FREM1: variants seen among roughly 807,000 people sequenced by gnomAD.
The protein encoded by FREM1 is FRAS1-related extracellular matrix protein 1.
Under a neutral mutation model 210.1 loss-of-function variants are expected in FREM1, and 220 were observed. The observed-to-expected ratio is 1.05, with a 90% CI of 0.94 to 1.17. The LOEUF (loss-of-function observed/expected upper bound fraction) is 1.17. FREM1 is among the 50% of genes most tolerant of loss of function. FREM1 has a pLI of 0.00. For synonymous variants in FREM1, 1,189 were observed against 980.2 expected (o/e 1.21, Z -3.98); for missense variants, 3,454 against 2,675.5 (o/e 1.29, Z -6.42).
intron 5 of FREM1, among the ~76,000 whole-genome samples, chr9:14,852,772 T>C (rs1237208504): frequency 1.3e-5 from 2 of 152,230 alleles, no homozygotes; most frequent in Non-Finnish European, 1.5e-5. Flanking sequence ...AGAACCAGGC[T>C]CAGTTACCAA....
Position 14,848,742 on chromosome 9 carries a change from T to G in FREM1, c.1184A>C (p.Glu395Ala), listed in dbSNP as rs150070740. 305 of 1,612,748 alleles carry G rather than the reference T, an allele frequency of 1.9e-4. 7 individuals are homozygous for G. In the African/African-American group the frequency reaches 3.5e-3, roughly 19 times the overall value. ...VELEVYDFFFERSAPMTVHIS... is the reference protein window; with the variant it reads ...VELEVYDFFFARSAPMTVHIS... ...GTGGACTGTCATAGGTGCACTCCTT[T>G]CAAAGAAGAAGTCGTATACCTCCAA... The change falls in exon 7 of 37, where the codon GAA becomes GCA. Residue 395 changes from glutamate to alanine, a missense_variant. Physicochemically the swap from Glu to Ala is moderately radical, Grantham distance 107. Coordinates refer to ENST00000380880, the MANE Select transcript of FREM1 (RefSeq NM_001379081.2).
chr9:14,879,153 G>T (rs1363083199), intron 1 of FREM1, among the ~76,000 whole-genome samples: 1 of 113,104 alleles, frequency 8.8e-6, no homozygotes, highest in Non-Finnish European at 1.6e-5. Context: ...GCAAGATTCC[G>T]TCTCAAAAAA....
At chr9:14,842,177 A>C (rs868141120) in intron 9 of FREM1, 139 bp downstream of exon 9, 1 of 593,758 alleles carries the variant, frequency 1.7e-6, no homozygotes, top group Non-Finnish European at 3.0e-6. Context: ...GGGAATAAAA[A>C]TACTATCTTA....
chr9:14,747,285 A>G lies in FREM1; in HGVS notation c.5988T>C (p.Thr1996=), dbSNP rs745524714. The G allele has an allele frequency of 1.4e-5, 22 of 1,612,818 alleles. No individual in the cohort carries two copies. Among genetic ancestry groups the G allele is most frequent in the Admixed American group, 3.3e-5 (2 of 59,798 alleles). Residue 1996 remains threonine, a synonymous_variant, in exon 33 of 37, where the codon ACT becomes ACC. Transcript: ENST00000380880. The part of the protein sequence containing the change: ...LPQADKVEST[T]DSHFPRQDQL... ...ATACCTGTCTGGGGAAGTGTGAGTCAGTTGTGGATTCCACCTTATCTGCTT... is the reference window on the plus strand; with the variant it reads ...ATACCTGTCTGGGGAAGTGTGAGTCGGTTGTGGATTCCACCTTATCTGCTT...
rs183882265 is a variant in FREM1, at chr9:14,747,331, A to T, written c.5942T>A (p.Ile1981Asn). The T allele has an allele frequency of 2.1e-5, 34 of 1,613,506 alleles. No homozygotes were observed. In the East Asian group the frequency reaches 7.6e-4, roughly 36 times the overall value. The change falls in exon 33 of 37, where the codon ATC (isoleucine) becomes AAC (asparagine). Residue 1981 changes from isoleucine (I) to asparagine (N), a missense_variant. Ile to Asn is a moderately radical substitution (Grantham distance 149). Transcript: ENST00000380880. ...VSIISQPQKT[I>N]KVAELPQADK... ...TGCTTGAGGCAGTTCTGCCACTTTG[A>T]TTGTCTTTTGTGGCTGACTAATGAT...
chr9:14,809,404 C>G (rs192466691), intron 16 of FREM1, among the ~76,000 whole-genome samples: 149 of 152,290 alleles, frequency 9.8e-4, no homozygotes, highest in African/African-American at 2.6e-3. Context: ...GACATCCTCC[C>G]TTTTCAGCAG....
In FREM1 at chr9:14,808,327, C is replaced by T. The variant is rs10810251; in HGVS notation, c.2894-193G>A. On this transcript the variant is annotated intron_variant, in intron 16 of 36. Transcript: ENST00000380880. ...TGAAAATAATGCAAAAATTCTTGCC[C>T]ATCTGTTGCCTCTGGTGAACTCCCT... Among the ~76,000 whole-genome samples the T allele has an allele frequency of 0.22, 33,500 of 152,036 alleles. 4,274 individuals are homozygous for T. The highest frequency in any genetic ancestry group is 0.29 in the Non-Finnish European group (19,907 of 67,960).
At chr9:14,860,584 C>CATATATATATACACATATATATATACAT (rs1216650409) in intron 3 of FREM1, among the ~76,000 whole-genome samples, 1 of 115,702 alleles carries the variant, frequency 8.6e-6, no homozygotes, top group Non-Finnish European at 1.6e-5. Flanking sequence ...TATATATACA[C>CATATATATATACACATATATATATACAT]ATATATATAC....
chr9:14,877,618 G>A (rs545354382), intron 1 of FREM1, among the ~76,000 whole-genome samples: 10 of 152,022 alleles, frequency 6.6e-5, no homozygotes, highest in African/African-American at 2.2e-4. Context: ...AGACTCTCTC[G>A]GCAGACTGGA....
At chr9:14,823,604 C>G (rs539540940) in intron 12 of FREM1, among the ~76,000 whole-genome samples, 2 of 150,930 alleles carry the variant, frequency 1.3e-5, no homozygotes, top group Admixed American at 1.3e-4. Flanking sequence ...GCCTCCAGGA[C>G]TATGAGAAAA....
chr9:14,761,235 C>T (rs1024048675), intron 27 of FREM1, among the ~76,000 whole-genome samples: 1 of 152,106 alleles, frequency 6.6e-6, no homozygotes, highest in Non-Finnish European at 1.5e-5. Flanking sequence ...TAATCACGTT[C>T]TATGGATTAA....
intron 28 of FREM1, among the ~76,000 whole-genome samples, chr9:14,759,318 T>C (rs1845008454): frequency 6.6e-6 from 1 of 152,066 alleles, no homozygotes. Context: ...GAGACCAGCC[T>C]GGCCAACATG....
At chr9:14,857,427 G>T (rs1038199144) in intron 5 of FREM1, 126 bp downstream of exon 5, 5 of 823,136 alleles carry the variant, frequency 6.1e-6, no homozygotes, top group Non-Finnish European at 1.1e-5. Context: ...CCAATGAGTC[G>T]CTGGCAGTTT....
intron 1 of FREM1, among the ~76,000 whole-genome samples, chr9:14,883,531 A>T (rs1172800159): frequency 1.3e-5 from 2 of 152,192 alleles, no homozygotes; most frequent in Non-Finnish European, 2.9e-5. Flanking sequence ...AGAGAAAAGA[A>T]TTCAGACGAG....
chr9:14,750,185 C>T lies in FREM1; in HGVS notation c.5499G>A (p.Val1833=). The T allele has an allele frequency of 1.2e-6, 2 of 1,613,838 alleles. No individual in the cohort carries two copies. Among genetic ancestry groups the T allele is most frequent in the South Asian group, 2.2e-5 (2 of 91,060 alleles). Residue 1833 remains valine (V), a synonymous_variant, in exon 30 of 37, where the codon GTG becomes GTA. Coordinates refer to ENST00000380880, the MANE Select transcript of FREM1 (RefSeq NM_001379081.2). The stretch of plus-strand genomic sequence containing the variant: ...TTGTCTTTGTGCCAAGAACTGCATT[C>T]ACAGGGGAGTTCAGAATTACTTCAA... ...EVFEVILNSP[V]NAVLGTKTKA...
At chr9:14,900,190 C>A (rs1838521713) in intron 1 of FREM1, among the ~76,000 whole-genome samples, 2 of 152,100 alleles carry the variant, frequency 1.3e-5, no homozygotes, top group South Asian at 4.2e-4. Context: ...TCTAGAGGAC[C>A]CCCTCTTCAG....
chr9:14,770,280 A>G (rs900815582), intron 26 of FREM1, among the ~76,000 whole-genome samples: 4 of 152,226 alleles, frequency 2.6e-5, no homozygotes, highest in African/African-American at 9.6e-5. Flanking sequence ...GTCATTTAGA[A>G]TTCATGACAG....
chr9:14,773,163 A>C (rs1033299482), intron 25 of FREM1, among the ~76,000 whole-genome samples: 6 of 152,212 alleles, frequency 3.9e-5, no homozygotes, highest in Admixed American at 2.0e-4. Flanking sequence ...AAATGCACAG[A>C]AAGCAATGGC....
chr9:14,861,115 A>G (rs1830287143), intron 3 of FREM1, among the ~76,000 whole-genome samples: 1 of 106,974 alleles, frequency 9.3e-6, no homozygotes, highest in Non-Finnish European at 1.7e-5. Context: ...ATACACATAT[A>G]TATACATATA....
Sources: allele counts gnomAD v4.1 joint callset (sites outside exome capture counted in the v4.1 genomes callset), GRCh38; gene constraint gnomAD v4.1.1; transcripts MANE v1.5; gene names NCBI Gene and HGNC (gene_info 2026-07-23, HGNC 2026-07-21).